CDH13: variants seen among roughly 807,000 people sequenced by gnomAD.
CDH13 encodes the protein cadherin 13, also known as cadherin-13.
A neutral mutation model predicts 63.8 loss-of-function variants in CDH13; 24 were observed. That is an observed-to-expected ratio of 0.38 (90% CI 0.27 to 0.53). The LOEUF is 0.53. Among genes scored for constraint, CDH13 ranks in the 20% least tolerant of loss-of-function variants. The pLI, the probability that CDH13 is intolerant of heterozygous loss-of-function variation, is 0.85. For synonymous variants in CDH13, 503 were observed against 355.3 expected, an observed-to-expected ratio of 1.42 and a Z score of -4.67; for missense variants, 1,049 against 903.1, an observed-to-expected ratio of 1.16 and a Z score of -2.07.
At chr16:83,108,881 G>A (rs72798356) in intron 3 of CDH13, among the ~76,000 whole-genome samples, 15,198 of 152,070 alleles carry the variant, frequency 0.1, 864 homozygotes, top group African/African-American at 0.15. Context: ...TTGCCCTTCC[G>A]AGTCACAGGT....
intron 2 of CDH13, among the ~76,000 whole-genome samples, chr16:82,998,395 GTTC>G (rs1193558162): frequency 6.6e-6 from 1 of 152,150 alleles, no homozygotes; most frequent in Non-Finnish European, 1.5e-5. Context: ...CTTTCGTGAA[GTTC>G]TTTTCTATTT....
Position 83,602,664 on chromosome 16 carries a change from C to T in CDH13, c.1101+70C>T, listed in dbSNP as rs897004641. On this transcript the variant is annotated intron_variant, in intron 8 of 13. Coordinates refer to ENST00000567109, the MANE Select transcript of CDH13 (RefSeq NM_001257.5). ...ACAATTACTGATTGATGTTAATTCA[C>T]GTACCACAGCACCTGCTGGCCCCCC... 49 of 1,475,870 alleles carry T rather than the reference C, an allele frequency of 3.3e-5. No individual in the cohort carries two copies. In the African/African-American group the frequency reaches 4.6e-4, roughly 14 times the overall value. The allele number at this position is 1,475,870 out of a possible 1,614,324, so 91.4% of individuals were successfully genotyped here.
intron 8 of CDH13, among the ~76,000 whole-genome samples, chr16:83,644,839 C>T (rs1291784436): frequency 6.6e-6 from 1 of 152,202 alleles, no homozygotes; most frequent in Non-Finnish European, 1.5e-5. Flanking sequence ...TGAACTTGAA[C>T]TTGCAGTGGA....
At chr16:83,617,097 T>C (rs950729254) in intron 8 of CDH13, among the ~76,000 whole-genome samples, 6 of 152,306 alleles carry the variant, frequency 3.9e-5, no homozygotes, top group African/African-American at 9.6e-5. Flanking sequence ...TGCCTTTCGC[T>C]TGTGGACTCA....
At chr16:83,166,046 T>C (rs1354239478) in intron 4 of CDH13, among the ~76,000 whole-genome samples, 2 of 152,118 alleles carry the variant, frequency 1.3e-5, no homozygotes, top group South Asian at 2.1e-4. Flanking sequence ...TGTGGAAAGA[T>C]AGAACCTTCC....
intron 1 of CDH13, among the ~76,000 whole-genome samples, chr16:82,802,430 T>G (rs2036912411): frequency 6.6e-6 from 1 of 152,118 alleles, no homozygotes; most frequent in Admixed American, 6.5e-5. Flanking sequence ...TCTCAAAGTT[T>G]TCAAAGAAAG....
rs1477882859 is a variant in CDH13, at chr16:83,047,045, C to G, written c.366+14827C>G. Among the ~76,000 whole-genome samples the G allele has an allele frequency of 6.6e-6, 1 of 152,164 alleles. No homozygotes were observed. On this transcript the variant is annotated intron_variant, in intron 3 of 13. Coordinates refer to ENST00000567109, the MANE Select transcript of CDH13 (RefSeq NM_001257.5). The surrounding 1 kb of genome is among the most constrained non-coding windows in gnomAD (Gnocchi z 4.9). ...TTTGACAGAGAATGTGCACTGTCAA[C>G]CAACCCCTTCATCGAGTCAGGCAAA...
chr16:82,752,149 A>G (rs1252307305), intron 1 of CDH13, among the ~76,000 whole-genome samples: 3 of 152,226 alleles, frequency 2.0e-5, no homozygotes, highest in Non-Finnish European at 4.4e-5. Flanking sequence ...GGCCTGGGAC[A>G]ATCAATACAT....
intron 7 of CDH13, among the ~76,000 whole-genome samples, chr16:83,528,242 C>T (rs2075006162): frequency 6.6e-6 from 1 of 152,226 alleles, no homozygotes; most frequent in African/African-American, 2.4e-5. Context: ...CCAAAAGGAA[C>T]ACTATAACTG....
At chr16:83,385,416 A>G (rs992423553) in intron 6 of CDH13, among the ~76,000 whole-genome samples, 4 of 152,236 alleles carry the variant, frequency 2.6e-5, no homozygotes, top group Admixed American at 2.0e-4. Flanking sequence ...GCTATAGGCA[A>G]GGTGGCCTGA....
chr16:82,848,176 A>C (rs1390726368), intron 1 of CDH13, among the ~76,000 whole-genome samples: 1 of 152,228 alleles, frequency 6.6e-6, no homozygotes, highest in Non-Finnish European at 1.5e-5. Context: ...GGCAAGCTTC[A>C]GCTGGTGAGT....
intron 4 of CDH13, among the ~76,000 whole-genome samples, chr16:83,169,202 G>C (rs1354560041): frequency 6.8e-6 from 1 of 147,466 alleles, no homozygotes; most frequent in Non-Finnish European, 1.5e-5. Flanking sequence ...TTTTGAGACG[G>C]CATCTCACTT....
intron 3 of CDH13, among the ~76,000 whole-genome samples, chr16:83,113,378 A>C (rs1407303686): frequency 3.3e-5 from 5 of 152,252 alleles, no homozygotes; most frequent in Non-Finnish European, 7.3e-5. Context: ...TAACTCCGTT[A>C]CCTGGATTAC....
At chr16:82,877,165 A>G (rs923653342) in intron 2 of CDH13, among the ~76,000 whole-genome samples, 1 of 152,220 alleles carries the variant, frequency 6.6e-6, no homozygotes, top group African/African-American at 2.4e-5. Context: ...GCAATTTAAG[A>G]TAGGAAGATG....
At chr16:82,793,322 A>T (rs4783275) in intron 1 of CDH13, among the ~76,000 whole-genome samples, 2 of 151,824 alleles carry the variant, frequency 1.3e-5, no homozygotes, top group African/African-American at 2.4e-5. Context: ...GCAGTAGCAA[A>T]GGGGAAAAGA....
intron 6 of CDH13, among the ~76,000 whole-genome samples, chr16:83,443,998 TGGCAAAGACGG>T: frequency 1.3e-5 from 2 of 150,342 alleles, no homozygotes; most frequent in Non-Finnish European, 3.0e-5. Context: ...ATGATGATGA[TGGCAAAGACGG>T]TGGTGAAGGT....
Position 83,434,984 on chromosome 16 carries a change from A to T in CDH13, c.782-51493A>T, listed in dbSNP as rs866518850. Among the ~76,000 whole-genome samples, 103 of 144,196 alleles carry T rather than the reference A, an allele frequency of 7.1e-4. 1 individual carries two copies. The highest frequency in any genetic ancestry group is 2.1e-3 in the African/African-American group (82 of 39,552). The allele number at this position is 144,196 out of a possible 152,430, so 94.6% of individuals were successfully genotyped here. ...GGGGTTTTATTTATATAAATAAATA[A>T]ATATATATATATATGTATATATATA... On this transcript the variant is annotated intron_variant, in intron 6 of 13. Transcript: ENST00000567109.
intron 6 of CDH13, among the ~76,000 whole-genome samples, chr16:83,465,272 A>G (rs1439306287): frequency 6.6e-6 from 1 of 152,254 alleles, no homozygotes; most frequent in African/African-American, 2.4e-5. Flanking sequence ...CGAATGGGCT[A>G]GACAGCTACA....
At chr16:82,815,337 C>A (rs751545947) in intron 1 of CDH13, among the ~76,000 whole-genome samples, 1 of 152,118 alleles carries the variant, frequency 6.6e-6, no homozygotes, top group Non-Finnish European at 1.5e-5. Context: ...TCACTCTCTG[C>A]CTCAGTTTCC....
Sources: allele counts gnomAD v4.1 joint callset (sites outside exome capture counted in the v4.1 genomes callset), GRCh38; gene constraint gnomAD v4.1.1; non-coding constraint Gnocchi (gnomAD v3.1); transcripts MANE v1.5; gene names NCBI Gene and HGNC (gene_info 2026-07-23, HGNC 2026-07-21).